The following PAMR1 variants were observed in gnomAD, a reference collection of about 807,000 sequenced individuals.
PAMR1 encodes the protein inactive serine protease PAMR1.
A neutral mutation model predicts 81.8 loss-of-function variants in PAMR1; 88 were observed. The ratio of observed to expected loss-of-function variants is 1.08; its 90% CI spans 0.91 to 1.28. The LOEUF is 1.28. Ranked by LOEUF, PAMR1 falls within the 50% of genes most tolerant of loss-of-function variation. The probability of loss-of-function intolerance (pLI) is 0.00; values close to 1 mark genes in which losing one functional copy is unlikely to be tolerated. For synonymous variants in PAMR1, 336 were observed against 345.3 expected, an observed-to-expected ratio of 0.97 and a Z score of 0.30; for missense variants, 935 against 919.7, an observed-to-expected ratio of 1.02 and a Z score of -0.21.
intron 4 of PAMR1, among the ~76,000 whole-genome samples, chr11:35,473,683 G>A (rs1423768399): frequency 2.0e-5 from 3 of 152,170 alleles, no homozygotes; most frequent in Non-Finnish European, 2.9e-5. Flanking sequence ...AGGGTACCAT[G>A]TTGCCCCTCC....
chr11:35,475,322 T>G (rs1850265942), intron 3 of PAMR1, among the ~76,000 whole-genome samples: 1 of 152,174 alleles, frequency 6.6e-6, no homozygotes. Context: ...GATTGATGAT[T>G]TTCTCATTCT....
chr11:35,469,833 T>G (rs1414057893), intron 5 of PAMR1, among the ~76,000 whole-genome samples: 1 of 152,144 alleles, frequency 6.6e-6, no homozygotes, highest in East Asian at 1.9e-4. Flanking sequence ...TTCAAGCCTG[T>G]GTTTATTTTG....
At chr11:35,517,714 A>C (rs1201227754) in intron 1 of PAMR1, among the ~76,000 whole-genome samples, 1 of 152,242 alleles carries the variant, frequency 6.6e-6, no homozygotes, top group Non-Finnish European at 1.5e-5. Flanking sequence ...GCATTTCCTG[A>C]AACCCATTTT....
chr11:35,453,528 T>C (rs1856464976), intron 6 of PAMR1: 1 of 152,234 alleles, frequency 6.6e-6, no homozygotes, highest in African/African-American at 2.4e-5. Context: ...CACTATCTCC[T>C]ATGATGCTTT....
chr11:35,492,064 C>T lies in PAMR1; in HGVS notation c.360G>A (p.Trp120Ter), dbSNP rs1801865573. The T allele has an allele frequency of 6.2e-7, 1 of 1,613,572 alleles. No individual in the cohort carries two copies. The highest frequency in any genetic ancestry group is 8.5e-7 in the Non-Finnish European group (1 of 1,179,756). ...ACTTACGCATGCAGTCTCCTCCGTA[C>T]CAGCCTGCTCGGCACTCTGCACAGT... is the stretch of plus-strand genomic sequence containing the variant. The part of the protein sequence containing the change: ...GFYCAECRAG[W>*]YGGDCMRCGQ... Residue 120 changes from tryptophan (W) to a stop codon, truncating the protein, a stop_gained, in exon 3 of 11, where the codon TGG becomes TGA. Coordinates refer to ENST00000619888, the MANE Select transcript of PAMR1 (RefSeq NM_001001991.3). LOFTEE classifies it high-confidence loss of function.
chr11:35,476,498 A>G (rs1367606308), intron 3 of PAMR1, among the ~76,000 whole-genome samples: 1 of 152,168 alleles, frequency 6.6e-6, no homozygotes, highest in East Asian at 1.9e-4. Context: ...CATGTGAAGA[A>G]GGACGCGTTT....
At chr11:35,489,692 A>G (rs1189916138) in intron 3 of PAMR1, among the ~76,000 whole-genome samples, 6 of 152,016 alleles carry the variant, frequency 3.9e-5, no homozygotes, top group Non-Finnish European at 8.8e-5. Context: ...CACACCTTGC[A>G]TTTTCACACC....
chr11:35,466,685 C>T (rs543789267), intron 6 of PAMR1, among the ~76,000 whole-genome samples: 1 of 145,342 alleles, frequency 6.9e-6, no homozygotes, highest in South Asian at 2.2e-4. Context: ...CGAGATCGCG[C>T]CACTGCACTC....
At chr11:35,467,879 CT>C in intron 6 of PAMR1, 121 bp downstream of exon 6, 1 of 584,116 alleles carries the variant, frequency 1.7e-6, no homozygotes, top group South Asian at 2.5e-5. Context: ...AGTATCCACA[CT>C]GTGCACCATC....
intron 1 of PAMR1, among the ~76,000 whole-genome samples, chr11:35,497,666 G>C (rs1361633807): frequency 6.6e-6 from 1 of 152,058 alleles, no homozygotes; most frequent in African/African-American, 2.4e-5. Flanking sequence ...TCTTCCTATA[G>C]GTAAAATGTT....
intron 1 of PAMR1, among the ~76,000 whole-genome samples, chr11:35,508,914 T>TA (rs1851026206): frequency 6.6e-6 from 1 of 152,204 alleles, no homozygotes; most frequent in Admixed American, 6.5e-5. Flanking sequence ...TTCCATTGTG[T>TA]ATATGTACCA....
chr11:35,464,320 G>A (rs1433089645), intron 6 of PAMR1, among the ~76,000 whole-genome samples: 1 of 152,034 alleles, frequency 6.6e-6, no homozygotes, highest in Non-Finnish European at 1.5e-5. Flanking sequence ...ATACCAACAT[G>A]GACTGATCTT....
At chr11:35,435,408 A>T in intron 9 of PAMR1, among the ~76,000 whole-genome samples, 1 of 152,100 alleles carries the variant, frequency 6.6e-6, no homozygotes, top group East Asian at 1.9e-4. Flanking sequence ...GGGTTTCACC[A>T]TGTTGGCCAG....
chr11:35,506,575 T>C (rs1850961385), intron 1 of PAMR1, among the ~76,000 whole-genome samples: 1 of 151,996 alleles, frequency 6.6e-6, no homozygotes, highest in Non-Finnish European at 1.5e-5. Context: ...CTGGATGCCA[T>C]ATTCTTGGGT....
intron 6 of PAMR1, among the ~76,000 whole-genome samples, chr11:35,448,726 C>T (rs1175149550): frequency 6.6e-6 from 1 of 151,744 alleles, no homozygotes; most frequent in Non-Finnish European, 1.5e-5. Flanking sequence ...GACGCTCTGG[C>T]TTTTTAAATT....
chr11:35,458,347 T>A (rs1413096084), intron 6 of PAMR1, among the ~76,000 whole-genome samples: 1 of 152,198 alleles, frequency 6.6e-6, no homozygotes, highest in Non-Finnish European at 1.5e-5. Context: ...GCTTCCAAAT[T>A]ATTTTATTTT....
chr11:35,438,346 T>C (rs894024817), intron 8 of PAMR1, among the ~76,000 whole-genome samples: 1 of 152,200 alleles, frequency 6.6e-6, no homozygotes, highest in East Asian at 1.9e-4. Flanking sequence ...TGCATGAAAA[T>C]ACTCAGAAGA....
chr11:35,462,837 G>T (rs1856685420), intron 6 of PAMR1, among the ~76,000 whole-genome samples: 1 of 152,122 alleles, frequency 6.6e-6, no homozygotes, highest in East Asian at 1.9e-4. Context: ...TCAAACCAAG[G>T]TTTTTCTGGC....
Position 35,434,499 on chromosome 11 carries a change from A to G in PAMR1, c.1626+13T>C, listed in dbSNP as rs1855986283. The G allele has an allele frequency of 1.9e-6, 3 of 1,605,762 alleles. No homozygotes were observed. The highest frequency in any genetic ancestry group is 2.6e-6 in the Non-Finnish European group (3 of 1,173,612). ...GCCAGAGCCCCAGCTTCCAAGTGCA[A>G]GCCCTCTCTTACCTGTAGGCTCTGG... On this transcript the variant is annotated intron_variant, in intron 10 of 10. Transcript: ENST00000619888.
Sources: allele counts gnomAD v4.1 joint callset (sites outside exome capture counted in the v4.1 genomes callset), GRCh38; gene constraint gnomAD v4.1.1; transcripts MANE v1.5; gene names NCBI Gene and HGNC (gene_info 2026-07-23, HGNC 2026-07-21).